The following GDE1 variants were observed in gnomAD, a reference collection of about 807,000 sequenced individuals.
The protein encoded by GDE1 is RGS16-interacting membrane protein.
GDE1 carries 24 observed loss-of-function variants against 32.2 expected under a neutral mutation model. The observed-to-expected ratio is 0.75, with a 90% confidence interval of 0.54 to 1.05. GDE1 has a LOEUF of 1.05. Among genes scored for constraint, GDE1 ranks in the 50% least tolerant of loss-of-function variants. The probability of loss-of-function intolerance (pLI) is 0.00; values close to 1 mark genes in which losing one functional copy is unlikely to be tolerated. For synonymous variants in GDE1, 159 were observed against 158.6 expected, an observed-to-expected ratio of 1.00 and a Z score of -0.02; for missense variants, 380 against 415.0, an observed-to-expected ratio of 0.92 and a Z score of 0.73.
intron 1 of GDE1, among the ~76,000 whole-genome samples, chr16:19,519,215 T>C (rs985353255): frequency 2.0e-5 from 3 of 152,128 alleles, no homozygotes; most frequent in Admixed American, 6.5e-5. Context: ...TCAGCATTCC[T>C]TCCCCCAGGG....
At chr16:19,520,521 T>TTGA (rs1969437633) in intron 1 of GDE1, among the ~76,000 whole-genome samples, 1 of 151,594 alleles carries the variant, frequency 6.6e-6, no homozygotes, top group Admixed American at 6.6e-5. Flanking sequence ...GGCCAGGAGT[T>TTGA]TGAGACCAGT....
At chr16:19,517,721 A>G (rs1232919829) in intron 1 of GDE1, among the ~76,000 whole-genome samples, 1 of 152,234 alleles carries the variant, frequency 6.6e-6, no homozygotes, top group Non-Finnish European at 1.5e-5. Flanking sequence ...CTGTTGGCCC[A>G]TAAGTTGTTA....
At chr16:19,521,552 A>T in intron 1 of GDE1, 152 bp downstream of exon 1, 3 of 769,972 alleles carry the variant, frequency 3.9e-6, no homozygotes, top group Non-Finnish European at 6.2e-6. Flanking sequence ...GGAGATCCCT[A>T]GACACTGGGA....
intron 2 of GDE1, among the ~76,000 whole-genome samples, chr16:19,514,219 C>T (rs8057970): frequency 0.36 from 55,335 of 151,838 alleles, 11,645 homozygotes; most frequent in East Asian, 0.56. Flanking sequence ...AACTCAAACA[C>T]GTTTACAGGT....
At chr16:19,513,897 T>C (rs945070356) in intron 2 of GDE1, among the ~76,000 whole-genome samples, 8 of 152,288 alleles carry the variant, frequency 5.3e-5, no homozygotes, top group Non-Finnish European at 1.0e-4. Context: ...TTTAGAAAGG[T>C]TAAGACAACT....
chr16:19,511,330 C>T (rs1969316553), intron 2 of GDE1, among the ~76,000 whole-genome samples: 1 of 152,138 alleles, frequency 6.6e-6, no homozygotes, highest in African/African-American at 2.4e-5. Context: ...TCTTGAACTC[C>T]TGACCTCAAG....
chr16:19,522,008 G>A lies in GDE1; in HGVS notation c.-44C>T. The A allele has an allele frequency of 6.7e-7, 1 of 1,502,604 alleles. No homozygotes were observed. Among genetic ancestry groups the A allele is most frequent in the Non-Finnish European group, 8.9e-7 (1 of 1,122,904 alleles). 93.1% of individuals were successfully genotyped at this position (1,502,604 alleles called of 1,614,324 possible). ...ACGGACGGGAGTCCCGGACCCGCCG[G>A]GCTCCTGGGGCAGTAGAACGAGAAG... On this transcript the variant is annotated 5_prime_UTR_variant, in exon 1 of 6. Coordinates refer to ENST00000353258, the MANE Select transcript of GDE1 (RefSeq NM_016641.4).
intron 2 of GDE1, among the ~76,000 whole-genome samples, chr16:19,514,202 C>A (rs1969352737): frequency 6.6e-6 from 1 of 152,114 alleles, no homozygotes; most frequent in Non-Finnish European, 1.5e-5. Context: ...GTTAGAGTGG[C>A]TTGCGGAACT....
chr16:19,506,064 A>G (rs1969241875), intron 4 of GDE1, among the ~76,000 whole-genome samples: 2 of 152,172 alleles, frequency 1.3e-5, no homozygotes, highest in Admixed American at 6.5e-5. Context: ...ACAGGAGTCA[A>G]CCAGATGTCA....
Sources: allele counts gnomAD v4.1 joint callset (sites outside exome capture counted in the v4.1 genomes callset), GRCh38; gene constraint gnomAD v4.1.1; transcripts MANE v1.5; gene names NCBI Gene and HGNC (gene_info 2026-07-23, HGNC 2026-07-21).